The following PRAG1 variants were observed in gnomAD, a reference collection of about 807,000 sequenced individuals.
The protein encoded by PRAG1 is inactive tyrosine-protein kinase PRAG1.
Under a neutral mutation model 95.6 loss-of-function variants are expected in PRAG1, and 110 were observed. That is an observed-to-expected ratio of 1.15 (90% CI 0.99 to 1.35). The LOEUF is 1.35. PRAG1 is among the 40% of genes most tolerant of loss of function. The pLI is 0.00. For missense variants in PRAG1, 2,554 were observed against 1,864.7 expected (o/e 1.37, Z -6.81); for synonymous variants, 1,052 against 819.4 (o/e 1.28, Z -4.85).
At chr8:8,359,908 T>C (rs546723496) in intron 3 of PRAG1, among the ~76,000 whole-genome samples, 1 of 152,216 alleles carries the variant, frequency 6.6e-6, no homozygotes, top group Non-Finnish European at 1.5e-5. Flanking sequence ...ATAAAAATTG[T>C]ATACAAGTCG....
chr8:8,342,478 G>A (rs1038339085), intron 3 of PRAG1, among the ~76,000 whole-genome samples: 1 of 152,140 alleles, frequency 6.6e-6, no homozygotes, highest in African/African-American at 2.4e-5. Context: ...TTACAGGAGT[G>A]AGCCACCGCG....
rs1800402693 is a variant in PRAG1 at position 8,376,553 on chromosome 8, G to A, written c.1856C>T (p.Ser619Leu). The A allele has an allele frequency of 6.2e-7, 1 of 1,609,228 alleles. No homozygotes were observed. The highest frequency in any genetic ancestry group is 8.5e-7 in the Non-Finnish European group (1 of 1,176,580). The change falls in exon 3 of 6, where the codon TCA becomes TTA. Residue 619 changes from serine to leucine, a missense_variant. Physicochemically the swap from Ser to Leu is moderately radical, Grantham distance 145 (BLOSUM62 -2). Transcript: ENST00000615670. ...CCTGGGCCGCCTCTGTTCCGAGGCTGACGAGGCGGCAGGCTGGGGACACCT... is the reference window on the plus strand; with the variant it reads ...CCTGGGCCGCCTCTGTTCCGAGGCTAACGAGGCGGCAGGCTGGGGACACCT... ...PSRCPQPAASSASEQRRPRFQ... is the reference protein window; with the variant it reads ...PSRCPQPAASLASEQRRPRFQ...
intron 3 of PRAG1, among the ~76,000 whole-genome samples, chr8:8,350,265 G>A (rs144657593): frequency 5.3e-5 from 8 of 152,304 alleles, no homozygotes; most frequent in African/African-American, 1.9e-4. Context: ...GGTTTCAGCT[G>A]AGGCTGCAGA....
intron 3 of PRAG1, among the ~76,000 whole-genome samples, chr8:8,366,577 G>T (rs564187757): frequency 9.9e-5 from 15 of 151,896 alleles, no homozygotes; most frequent in Non-Finnish European, 1.9e-4. Context: ...GCCTTCTAAA[G>T]TGCTGGGATT....
At chr8:8,339,074 G>A (rs1418063759) in intron 4 of PRAG1, among the ~76,000 whole-genome samples, 5 of 152,034 alleles carry the variant, frequency 3.3e-5, no homozygotes, top group African/African-American at 1.2e-4. Context: ...GTGTACATGT[G>A]GGTACATGCA....
At chr8:8,344,737 A>G (rs1421921897) in intron 3 of PRAG1, among the ~76,000 whole-genome samples, 2 of 152,208 alleles carry the variant, frequency 1.3e-5, no homozygotes, top group African/African-American at 4.8e-5. Context: ...TGAATGAGGC[A>G]GGGGGTGGCT....
intron 4 of PRAG1, among the ~76,000 whole-genome samples, chr8:8,332,687 A>T (rs1280280915): frequency 8.1e-6 from 1 of 122,818 alleles, no homozygotes; most frequent in Non-Finnish European, 1.6e-5. Flanking sequence ...CTCAGGTGTT[A>T]ATACTCTTGG....
intron 3 of PRAG1, among the ~76,000 whole-genome samples, chr8:8,359,042 T>G (rs992138268): frequency 6.6e-6 from 1 of 152,236 alleles, no homozygotes; most frequent in Non-Finnish European, 1.5e-5. Flanking sequence ...TTACACTTAA[T>G]GACTATGTAA....
chr8:8,358,025 C>G (rs969932409), intron 3 of PRAG1, among the ~76,000 whole-genome samples: 1 of 152,178 alleles, frequency 6.6e-6, no homozygotes, highest in Non-Finnish European at 1.5e-5. Context: ...TCAGATCCCA[C>G]AGGTTGAGGG....
At chr8:8,365,047 G>T (rs903990310) in intron 3 of PRAG1, among the ~76,000 whole-genome samples, 1 of 152,088 alleles carries the variant, frequency 6.6e-6, no homozygotes, top group Non-Finnish European at 1.5e-5. Flanking sequence ...AATATGACAG[G>T]TCAGCAAATA....
rs181831178 is a variant in PRAG1 at position 8,346,791 on chromosome 8, C to T, written c.2163-7156G>A. ...GCAATATTCAAAGTGTGATTGAGGC[C>T]GATTTTCATTCTCACTGCCCCTGAC... On this transcript the variant is annotated intron_variant, in intron 3 of 5. Coordinates refer to ENST00000615670, the MANE Select transcript of PRAG1 (RefSeq NM_001080826.3). Among the ~76,000 whole-genome samples the T allele has an allele frequency of 5.0e-4, 76 of 152,238 alleles. 1 individual carries two copies. The East Asian group carries it at 7.0e-3, about 14-fold the overall frequency.
chr8:8,366,119 C>T (rs777739626), intron 3 of PRAG1, among the ~76,000 whole-genome samples: 1 of 152,002 alleles, frequency 6.6e-6, no homozygotes, highest in Non-Finnish European at 1.5e-5. Flanking sequence ...TTAATAGTAA[C>T]TGTTATTTAC....
intron 5 of PRAG1, among the ~76,000 whole-genome samples, chr8:8,319,554 A>G (rs1166627996): frequency 6.6e-6 from 1 of 152,216 alleles, no homozygotes; most frequent in Non-Finnish European, 1.5e-5. Flanking sequence ...CTTAACCTCA[A>G]AGTTCTAAAC....
chr8:8,336,911 C>T (rs1413351050), intron 4 of PRAG1, among the ~76,000 whole-genome samples: 12 of 77,468 alleles, frequency 1.5e-4, no homozygotes, highest in African/African-American at 4.7e-4. Context: ...ACCCCTTTCC[C>T]CCCTCCCCCC....
chr8:8,339,112 G>T (rs536879332), intron 4 of PRAG1, among the ~76,000 whole-genome samples: 3 of 152,090 alleles, frequency 2.0e-5, no homozygotes, highest in Admixed American at 6.6e-5. Flanking sequence ...GAGAGAGAGA[G>T]AGAGAGAGAA....
intron 3 of PRAG1, among the ~76,000 whole-genome samples, chr8:8,351,076 G>A (rs901897621): frequency 6.6e-6 from 1 of 152,182 alleles, no homozygotes; most frequent in African/African-American, 2.4e-5. Context: ...ACTGGGTAAT[G>A]TATAAAGAAA....
intron 3 of PRAG1, among the ~76,000 whole-genome samples, chr8:8,349,586 T>C (rs1799454615): frequency 6.6e-6 from 1 of 152,244 alleles, no homozygotes; most frequent in East Asian, 1.9e-4. Flanking sequence ...CCGGCCGGTT[T>C]CTATTATTTT....
Position 8,339,526 on chromosome 8 carries a change from C to T in PRAG1, c.2272G>A (p.Gly758Ser), listed in dbSNP as rs747050759. ...FRGVHVSFTT[G>S]STDSLASDSR... ...TCTGAGGCCAGGCTGTCCGTGGAGC[C>T]GGTGGTGAAGCTGACGTGGACACCC... The change falls in exon 4 of 6, where the codon GGC (glycine) becomes AGC (serine). Residue 758 changes from glycine to serine, a missense_variant. Transcript: ENST00000615670. 3.1e-6 allele frequency: 5 copies of T among 1,614,156 alleles called. No individual in the cohort carries two copies. The highest frequency in any genetic ancestry group is 1.3e-5 in the African/African-American group (1 of 75,038).
At chr8:8,371,402 T>C (rs535765471) in intron 3 of PRAG1, among the ~76,000 whole-genome samples, 1 of 151,736 alleles carries the variant, frequency 6.6e-6, no homozygotes, top group African/African-American at 2.4e-5. Context: ...CTGGGACTAC[T>C]GGCGCCCGCC....
Sources: allele counts gnomAD v4.1 joint callset (sites outside exome capture counted in the v4.1 genomes callset), GRCh38; gene constraint gnomAD v4.1.1; transcripts MANE v1.5; gene names NCBI Gene and HGNC (gene_info 2026-07-23, HGNC 2026-07-21).